Variants in BRINP1 observed in about 807,000 individuals in gnomAD.
BRINP1 encodes BMP/retinoic acid inducible neural specific 1.
In BRINP1, 17 loss-of-function variants were observed where a neutral mutation model predicts 72.9. The ratio of observed to expected loss-of-function variants is 0.23; its 90% confidence interval spans 0.16 to 0.35. The LOEUF (loss-of-function observed/expected upper bound fraction) is 0.35, where lower values mean the gene tolerates loss of function less well. BRINP1 is among the 10% of genes least tolerant of loss of function. The pLI is 1.00. For synonymous variants in BRINP1, 418 were observed against 378.5 expected, an observed-to-expected ratio of 1.10 and a Z score of -1.21; for missense variants, 850 against 1,001.6, an observed-to-expected ratio of 0.85 and a Z score of 2.04.
intron 7 of BRINP1, among the ~76,000 whole-genome samples, chr9:119,187,067 G>A (rs1016499947): frequency 6.6e-6 from 1 of 151,986 alleles, no homozygotes; most frequent in African/African-American, 2.4e-5. Context: ...TCAGAGTCAC[G>A]GTTACATCGC....
At chr9:119,342,243 G>T (rs1383431943) in intron 1 of BRINP1, among the ~76,000 whole-genome samples, 2 of 151,996 alleles carry the variant, frequency 1.3e-5, no homozygotes, top group South Asian at 2.1e-4. Flanking sequence ...ACTTTTTTCA[G>T]TTGTAATGAT....
chr9:119,285,831 G>A lies in BRINP1; in HGVS notation c.218+27307C>T, dbSNP rs115903997. On this transcript the variant is annotated intron_variant, in intron 2 of 7. Transcript: ENST00000265922. ...ACACAATTTTACCAGTGACTCCAGC[G>A]GGGCTCTTTTCCTGGTATTCAGTTG... Among the ~76,000 whole-genome samples, 1,391 of 152,132 alleles carry A rather than the reference G, an allele frequency of 9.1e-3. 21 individuals carry two copies. The highest frequency in any genetic ancestry group is 0.032 in the African/African-American group (1,338 of 41,496).
intron 1 of BRINP1, among the ~76,000 whole-genome samples, chr9:119,340,420 A>T (rs895286800): frequency 7.2e-5 from 11 of 152,098 alleles, no homozygotes; most frequent in Non-Finnish European, 1.6e-4. Flanking sequence ...AGGGAAAAAA[A>T]AAAGGCTGAG....
intron 7 of BRINP1, among the ~76,000 whole-genome samples, chr9:119,179,086 T>C (rs1043836916): frequency 6.6e-6 from 1 of 152,116 alleles, no homozygotes; most frequent in African/African-American, 2.4e-5. Flanking sequence ...CCCAGGCTAG[T>C]TGGTGATAGC....
At chr9:119,209,663 A>T (rs1268808948) in intron 6 of BRINP1, among the ~76,000 whole-genome samples, 1 of 152,180 alleles carries the variant, frequency 6.6e-6, no homozygotes, top group Admixed American at 6.5e-5. Context: ...TATAAAAATA[A>T]ATATGTTGAA....
At chr9:119,169,310 C>CA (rs1276054349) in intron 7 of BRINP1, among the ~76,000 whole-genome samples, 1 of 152,242 alleles carries the variant, frequency 6.6e-6, no homozygotes, top group Non-Finnish European at 1.5e-5. Context: ...GGCATTGCCT[C>CA]ACTTGGGAAG....
At chr9:119,353,822 CTTTTTTTT>C (rs138900910) in intron 1 of BRINP1, among the ~76,000 whole-genome samples, 11 of 30,958 alleles carry the variant, frequency 3.6e-4, no homozygotes, top group African/African-American at 1.0e-3. Flanking sequence ...GTTTTGAGCA[CTTTTTTTT>C]TTTTTTTTTT....
rs921961023 is a variant in BRINP1, at chr9:119,313,130, G to T, written c.218+8C>A. 6.2e-7 allele frequency: 1 copy of T among 1,612,822 alleles called. No homozygotes were observed. Among genetic ancestry groups the T allele is most frequent in the East Asian group, 2.2e-5 (1 of 44,874 alleles). ...TGTAAGGCAAGGGCTATTTAGCCCA[G>T]GTCTTACCTGTATATTTTATATCTG... On this transcript the variant is annotated splice_region_variant and intron_variant, in intron 2 of 7. Coordinates refer to ENST00000265922, the MANE Select transcript of BRINP1 (RefSeq NM_014618.3).
intron 7 of BRINP1, among the ~76,000 whole-genome samples, chr9:119,175,828 C>A (rs1829482387): frequency 6.6e-6 from 1 of 152,160 alleles, no homozygotes; most frequent in East Asian, 1.9e-4. Flanking sequence ...TCTTGTGTGT[C>A]TAGCACTTTT....
chr9:119,315,729 T>C (rs1005716162), intron 1 of BRINP1, among the ~76,000 whole-genome samples: 3 of 152,212 alleles, frequency 2.0e-5, no homozygotes, highest in African/African-American at 7.2e-5. Flanking sequence ...GGAAATTAAA[T>C]GTGCTGTTCC....
At chr9:119,281,575 C>T (rs1257206538) in intron 2 of BRINP1, among the ~76,000 whole-genome samples, 2 of 152,144 alleles carry the variant, frequency 1.3e-5, no homozygotes, top group Non-Finnish European at 2.9e-5. Flanking sequence ...AACAAGTCAG[C>T]ATTGTCAGGG....
intron 7 of BRINP1, among the ~76,000 whole-genome samples, chr9:119,196,771 G>A (rs764495415): frequency 2.0e-4 from 30 of 152,178 alleles, no homozygotes; most frequent in Non-Finnish European, 3.8e-4. Context: ...TTTAACCTCA[G>A]TCCTCTGGTT....
chr9:119,175,535 G>GTTAT (rs1829478354), intron 7 of BRINP1, among the ~76,000 whole-genome samples: 1 of 151,996 alleles, frequency 6.6e-6, no homozygotes, highest in Admixed American at 6.6e-5. Context: ...AAAAGGGGGG[G>GTTAT]TTATTTCCCT....
chr9:119,240,498 T>G (rs1564225971), intron 4 of BRINP1, among the ~76,000 whole-genome samples: 1 of 152,158 alleles, frequency 6.6e-6, no homozygotes, highest in Non-Finnish European at 1.5e-5. Flanking sequence ...GAGGATTATC[T>G]TCTGACAGAG....
intron 2 of BRINP1, among the ~76,000 whole-genome samples, chr9:119,275,628 G>C (rs1830649255): frequency 6.6e-6 from 1 of 152,140 alleles, no homozygotes; most frequent in Admixed American, 6.5e-5. Flanking sequence ...TTGGGACCAA[G>C]TCCATCCATA....
At chr9:119,293,526 G>C (rs1564240624) in intron 2 of BRINP1, among the ~76,000 whole-genome samples, 1 of 152,192 alleles carries the variant, frequency 6.6e-6, no homozygotes, top group East Asian at 1.9e-4. Context: ...GTTGTAGAAA[G>C]TTAAAATGAG....
intron 1 of BRINP1, among the ~76,000 whole-genome samples, chr9:119,358,528 T>A (rs956231965): frequency 1.3e-5 from 2 of 152,066 alleles, no homozygotes; most frequent in Non-Finnish European, 2.9e-5. Flanking sequence ...ACCCCGTATC[T>A]ACCAAAATAT....
At chr9:119,248,301 G>A (rs1432929262) in intron 3 of BRINP1, among the ~76,000 whole-genome samples, 1 of 152,194 alleles carries the variant, frequency 6.6e-6, no homozygotes, top group Non-Finnish European at 1.5e-5. Flanking sequence ...GTGCCTAAGG[G>A]ATTGCTCCTA....
chr9:119,231,666 T>TTA (rs1564223720), intron 5 of BRINP1, among the ~76,000 whole-genome samples: 1 of 152,132 alleles, frequency 6.6e-6, no homozygotes, highest in Non-Finnish European at 1.5e-5. Context: ...CTCACTTTAA[T>TTA]TATACTATTA....
Sources: gnomAD v4.1 joint callset for allele counts (sites outside exome capture counted in the v4.1 genomes callset) on GRCh38, gnomAD v4.1.1 for gene constraint, MANE v1.5 for transcripts, NCBI Gene and HGNC (gene_info 2026-07-23, HGNC 2026-07-21) for gene names.